The following SHISAL1 variants were observed in gnomAD, a reference collection of about 807,000 sequenced individuals.
SHISAL1 encodes the protein protein shisa-like-1.
In SHISAL1, 9 loss-of-function variants were observed where a neutral mutation model predicts 22.6. The ratio of observed to expected loss-of-function variants is 0.40; its 90% confidence interval spans 0.24 to 0.70. The LOEUF is 0.70. Among genes scored for constraint, SHISAL1 ranks in the 30% least tolerant of loss-of-function variants. The pLI is 0.39. For missense variants in SHISAL1, 246 were observed against 270.6 expected (o/e 0.91, Z 0.64); for synonymous variants, 119 against 115.4 (o/e 1.03, Z -0.20).
At chr22:44,295,884 ACT>A (rs1354247019) in intron 3 of SHISAL1, among the ~76,000 whole-genome samples, 6 of 152,116 alleles carry the variant, frequency 3.9e-5, no homozygotes, top group South Asian at 2.1e-4. Context: ...CTAACAGCAA[ACT>A]CTCTCTTTCT....
the SHISAL1 span, among the ~76,000 whole-genome samples, chr22:44,325,894 C>T: frequency 6.6e-6 from 1 of 151,814 alleles, no homozygotes; most frequent in South Asian, 2.1e-4. Context: ...CGCTCCTACA[C>T]ACCTATCAAG....
chr22:44,254,000 C>T (rs1176266422), intron 4 of SHISAL1, among the ~76,000 whole-genome samples: 1 of 151,962 alleles, frequency 6.6e-6, no homozygotes, highest in East Asian at 1.9e-4. Flanking sequence ...TTTGAAAATA[C>T]TAATAATGAA....
intron 4 of SHISAL1, among the ~76,000 whole-genome samples, chr22:44,260,284 C>T (rs562916423): frequency 1.3e-5 from 2 of 152,324 alleles, no homozygotes; most frequent in South Asian, 2.1e-4. Context: ...TCGTTCTGTT[C>T]ATTGGATTCT....
rs904197823 is a variant in SHISAL1 at position 44,247,864 on chromosome 22, C to T, written c.*1821G>A. The T allele has an allele frequency of 8.5e-5, 13 of 152,526 alleles. No individual in the cohort carries two copies. The highest frequency in any genetic ancestry group is 1.8e-4 in the Non-Finnish European group (12 of 68,180). 9.4% of individuals were successfully genotyped at this position (152,526 alleles called of 1,614,324 possible). A position where few individuals can be genotyped will look rare whatever the true frequency, so the allele number is the denominator to read the frequency against. ...ATCTCCTTCTGCCTTCCCTCTGGGT[C>T]CCCAGCCACCTGGCTTTCTTGTGCC... On this transcript the variant is annotated 3_prime_UTR_variant, in exon 5 of 5. Transcript: ENST00000381176.
chr22:44,303,609 C>G (rs1421126557), intron 1 of SHISAL1, among the ~76,000 whole-genome samples: 1 of 152,180 alleles, frequency 6.6e-6, no homozygotes, highest in Non-Finnish European at 1.5e-5. Context: ...GACTTCCAGC[C>G]TCCAGGCTGA....
At chr22:44,315,171 G>A (rs554939498), upstream of SHISAL1, among the ~76,000 whole-genome samples, 3 of 152,254 alleles carry the variant, frequency 2.0e-5, no homozygotes, top group East Asian at 3.9e-4. Context: ...TGCCGAGGGC[G>A]AATACCAGGA....
rs1360706250 is a variant in SHISAL1, at chr22:44,246,266, A to T, written c.*3419T>A. On this transcript the variant is annotated 3_prime_UTR_variant, in exon 5 of 5. Transcript: ENST00000381176. ...GCATAAAACTGCTCATTAATTACAC[A>T]CAGTTCCCAGTGGGAAACAGTCCTT... is the stretch of plus-strand genomic sequence containing the variant. 6.6e-6 allele frequency: 1 copy of T among 152,216 alleles called. No individual in the cohort carries two copies. The highest frequency in any genetic ancestry group is 2.4e-5 in the African/African-American group (1 of 41,444). 9.4% of individuals were successfully genotyped at this position (152,216 alleles called of 1,614,324 possible). A position where few individuals can be genotyped will look rare whatever the true frequency, so the allele number is the denominator to read the frequency against.
chr22:44,302,623 A>C (rs2055439629), intron 1 of SHISAL1, among the ~76,000 whole-genome samples: 1 of 151,996 alleles, frequency 6.6e-6, no homozygotes, highest in South Asian at 2.1e-4. Flanking sequence ...TAGCAGGGGC[A>C]AAGGCCCTGG....
Position 44,285,749 on chromosome 22 carries a change from C to A in SHISAL1, c.282-4G>T, listed in dbSNP as rs766562966. The A allele has an allele frequency of 3.7e-6, 6 of 1,605,932 alleles. No homozygotes were observed. Among genetic ancestry groups the A allele is most frequent in the Non-Finnish European group, 4.3e-6 (5 of 1,174,020 alleles). On this transcript the variant is annotated splice_region_variant and splice_polypyrimidine_tract_variant and intron_variant, in intron 3 of 4. Transcript: ENST00000381176. ...TCCCAACAAGGCGGTGTAATTGCTGCGAACAAACAGAGAGGGAGTGAGCAA... is the reference window on the plus strand; with the variant it reads ...TCCCAACAAGGCGGTGTAATTGCTGAGAACAAACAGAGAGGGAGTGAGCAA...
rs373946331 is a variant in SHISAL1 at position 44,296,737 on chromosome 22, G to T, written c.216C>A (p.Asn72Lys). 1 of 1,614,150 alleles carries T rather than the reference G, an allele frequency of 6.2e-7. No homozygotes were observed. The change falls in exon 3 of 5, where the codon AAC becomes AAA. Residue 72 changes from asparagine to lysine, a missense_variant. Physicochemically the swap from Asn to Lys is moderately conservative, Grantham distance 94. Coordinates refer to ENST00000381176, the MANE Select transcript of SHISAL1 (RefSeq NM_001099294.2). ...HNNTVFKYCC[N>K]ETEFQAVMQA... ...GCATCACCGCCTGGAACTCCGTCTC[G>T]TTGCAGCAGTATTTGAAGACCGTGT... is the stretch of plus-strand genomic sequence containing the variant.
At chr22:44,306,264 T>C (rs2055470744) in intron 1 of SHISAL1, among the ~76,000 whole-genome samples, 1 of 152,186 alleles carries the variant, frequency 6.6e-6, no homozygotes, top group Non-Finnish European at 1.5e-5. Context: ...CAAGGAGCTC[T>C]GACGACGATG....
At chr22:44,287,381 G>A (rs78836295) in intron 3 of SHISAL1, among the ~76,000 whole-genome samples, 5,608 of 152,256 alleles carry the variant, frequency 0.037, 313 homozygotes, top group East Asian at 0.16. Context: ...CCTCTCACTT[G>A]GCCAAGTTCT....
At chr22:44,326,386 G>A in the SHISAL1 span, among the ~76,000 whole-genome samples, 26 of 152,214 alleles carry the variant, frequency 1.7e-4, no homozygotes, top group Middle Eastern at 0.01. Context: ...TCTCTCCTCC[G>A]CGGCAGAGCC....
Position 44,280,294 on chromosome 22 carries a change from C to T in SHISAL1, c.599+5134G>A, listed in dbSNP as rs959315507. Reference sequence around the variant, plus strand: ...AGATAGGTGAGGCCCAGGTGGCAGTCGGCTCAGGATCTGACATAGGCTGGG... The same window carrying T: ...AGATAGGTGAGGCCCAGGTGGCAGTTGGCTCAGGATCTGACATAGGCTGGG... On this transcript the variant is annotated intron_variant, in intron 4 of 4. Transcript: ENST00000381176. 6.6e-5 allele frequency among the ~76,000 whole-genome samples: 10 copies of T among 152,056 alleles called. No individual in the cohort carries two copies. In the East Asian group the frequency reaches 7.7e-4, roughly 12 times the overall value.
intron 1 of SHISAL1, among the ~76,000 whole-genome samples, chr22:44,302,339 CAA>C (rs35335428): frequency 0.37 from 36,228 of 97,670 alleles, 4,498 homozygotes; most frequent in East Asian, 0.65. Context: ...GACTCCGTCT[CAA>C]AAAAAAAAAA....
chr22:44,253,485 A>G (rs912286835), intron 4 of SHISAL1, among the ~76,000 whole-genome samples: 2 of 146,674 alleles, frequency 1.4e-5, no homozygotes, highest in African/African-American at 2.5e-5. Flanking sequence ...CTGGAGTGCA[A>G]TGGTATGATC....
intron 1 of SHISAL1, among the ~76,000 whole-genome samples, chr22:44,309,709 C>T (rs1347535467): frequency 1.3e-5 from 2 of 152,192 alleles, no homozygotes; most frequent in Non-Finnish European, 2.9e-5. Context: ...CACGTGTGCA[C>T]ATATGTATCA....
intron 4 of SHISAL1, among the ~76,000 whole-genome samples, chr22:44,250,925 G>A (rs1354825394): frequency 6.6e-6 from 1 of 152,246 alleles, no homozygotes; most frequent in Admixed American, 6.5e-5. Context: ...CCCAGAGTGA[G>A]TGATACGCCA....
intron 4 of SHISAL1, among the ~76,000 whole-genome samples, chr22:44,276,715 C>A (rs961918623): frequency 2.6e-5 from 4 of 152,052 alleles, no homozygotes; most frequent in South Asian, 2.1e-4. Flanking sequence ...AAGAGCTGCC[C>A]TTGAGGACTA....
Sources: gnomAD v4.1 joint callset for allele counts (sites outside exome capture counted in the v4.1 genomes callset) on GRCh38, gnomAD v4.1.1 for gene constraint, MANE v1.5 for transcripts, NCBI Gene and HGNC (gene_info 2026-07-23, HGNC 2026-07-21) for gene names.